The following TMEM132C variants were observed in gnomAD, a reference collection of about 807,000 sequenced individuals.
TMEM132C encodes the protein protein phosphatase 1, regulatory subunit 152.
In TMEM132C, 29 loss-of-function variants were observed where a neutral mutation model predicts 61.4. The observed-to-expected ratio is 0.47, with a 90% CI of 0.35 to 0.64. The LOEUF (loss-of-function observed/expected upper bound fraction) is 0.64. Ranked by LOEUF, TMEM132C falls within the 30% of genes least tolerant of loss-of-function variation. The pLI is 0.00. For missense variants in TMEM132C, 1,408 were observed against 1,476.9 expected (o/e 0.95, Z 0.76); for synonymous variants, 656 against 633.1 (o/e 1.04, Z -0.54).
intron 1 of TMEM132C, among the ~76,000 whole-genome samples, chr12:128,268,375 C>A (rs1475386661): frequency 1.3e-5 from 2 of 152,200 alleles, no homozygotes; most frequent in Non-Finnish European, 2.9e-5. Context: ...GCGGGAAGGG[C>A]GGGGAGAGGC....
rs55729184 is a variant in TMEM132C, at chr12:128,347,397, G to GTCTCTCTC, written c.86-67300_86-67293dup. On this transcript the variant is annotated intron_variant, in intron 1 of 8. Coordinates refer to ENST00000435159, the MANE Select transcript of TMEM132C (RefSeq NM_001136103.3). Reference sequence around the variant, plus strand: ...TGCTGCCATAAGCATGCATATGTATGTCTCTCTCTCTCTCTCTCTCTCTCT... The same window carrying GTCTCTCTC: ...TGCTGCCATAAGCATGCATATGTATGTCTCTCTCTCTCTCTCTCTCTCTCTCTCTCTCT... Among the ~76,000 whole-genome samples, 606 of 135,476 alleles carry GTCTCTCTC rather than the reference G, an allele frequency of 4.5e-3. 8 individuals are homozygous for GTCTCTCTC. The highest frequency in any genetic ancestry group is 0.014 in the African/African-American group (452 of 32,862). 88.9% of individuals were successfully genotyped at this position (135,476 alleles called of 152,430 possible).
intron 2 of TMEM132C, among the ~76,000 whole-genome samples, chr12:128,432,971 C>G (rs955343298): frequency 6.6e-6 from 1 of 150,882 alleles, no homozygotes; most frequent in Non-Finnish European, 1.5e-5. Context: ...CAGCAGCCAT[C>G]AATATTGAGG....
chr12:128,385,400 GCCGAGTCC>G lies in TMEM132C; in HGVS notation c.86-29331_86-29324del, dbSNP rs1565919973. Reference sequence around the variant, plus strand: ...CATTGCAAAGATTCGAGACATAAACGCCGAGTCCTCGCACAGAGCCTGATAGGATCATT... The same window carrying G: ...CATTGCAAAGATTCGAGACATAAACGTCGCACAGAGCCTGATAGGATCATT... On this transcript the variant is annotated intron_variant, in intron 1 of 8. Coordinates refer to ENST00000435159, the MANE Select transcript of TMEM132C (RefSeq NM_001136103.3). Among the ~76,000 whole-genome samples, 1,214 of 133,656 alleles carry G rather than the reference GCCGAGTCC, an allele frequency of 9.1e-3. 108 individuals carry two copies. Among genetic ancestry groups the G allele is most frequent in the South Asian group, 0.019 (78 of 4,006 alleles). The allele number at this position is 133,656 out of a possible 152,430, so 87.7% of individuals were successfully genotyped here.
At chr12:128,364,289 CTT>C (rs1873795136) in intron 1 of TMEM132C, among the ~76,000 whole-genome samples, 1 of 143,248 alleles carries the variant, frequency 7.0e-6, no homozygotes, top group Admixed American at 7.1e-5. Flanking sequence ...CTCCCCCTAT[CTT>C]TCTCTCTCTC....
At chr12:128,446,263 T>C (rs1291163548) in intron 2 of TMEM132C, among the ~76,000 whole-genome samples, 1 of 152,204 alleles carries the variant, frequency 6.6e-6, no homozygotes, top group Non-Finnish European at 1.5e-5. Flanking sequence ...GTCGTCATTA[T>C]ATGCTGAGCT....
rs140021805 is a variant in TMEM132C at position 128,500,129 on chromosome 12, T to A, written c.975-43828T>A. On this transcript the variant is annotated intron_variant, in intron 2 of 8. Coordinates refer to ENST00000435159, the MANE Select transcript of TMEM132C (RefSeq NM_001136103.3). ...GGTAAACAATAGACTTTTCAACAGG[T>A]GGTCCTGAGACAACTGGTTATCCTC... is the stretch of plus-strand genomic sequence containing the variant. 9.6e-4 allele frequency among the ~76,000 whole-genome samples: 146 copies of A among 152,320 alleles called. 1 individual carries two copies. Among genetic ancestry groups the A allele is most frequent in the African/African-American group, 3.4e-3 (141 of 41,582 alleles).
intron 2 of TMEM132C, among the ~76,000 whole-genome samples, chr12:128,485,699 C>T (rs1332528839): frequency 6.6e-6 from 1 of 152,090 alleles, no homozygotes; most frequent in Non-Finnish European, 1.5e-5. Flanking sequence ...GTCAGTAGTG[C>T]CGAGGCTGAG....
chr12:128,693,270 G>A (rs1003182435), intron 5 of TMEM132C, among the ~76,000 whole-genome samples: 2 of 152,192 alleles, frequency 1.3e-5, no homozygotes, highest in Admixed American at 6.5e-5. Context: ...GATGGGGTGG[G>A]TTGTGGGTGC....
intron 2 of TMEM132C, among the ~76,000 whole-genome samples, chr12:128,437,153 G>A (rs1332082259): frequency 3.9e-5 from 6 of 152,152 alleles, no homozygotes; most frequent in African/African-American, 1.4e-4. Context: ...TCATGTGGTG[G>A]GGGGCTGGGG....
Position 128,545,090 on chromosome 12 carries a change from G to A in TMEM132C, c.1121+987G>A, listed in dbSNP as rs77477211. Among the ~76,000 whole-genome samples, 294 of 152,312 alleles carry A rather than the reference G, an allele frequency of 1.9e-3. 1 individual carries two copies. Among genetic ancestry groups the A allele is most frequent in the African/African-American group, 6.9e-3 (285 of 41,568 alleles). On this transcript the variant is annotated intron_variant, in intron 3 of 8. Transcript: ENST00000435159. ...TCACCCAAGTGGTGAACAGAGCACC[G>A]AATAGGTCGTTTTTCAGCCCTTTAT...
At chr12:128,443,123 G>A (rs909626644) in intron 2 of TMEM132C, among the ~76,000 whole-genome samples, 3 of 151,378 alleles carry the variant, frequency 2.0e-5, no homozygotes, top group Non-Finnish European at 4.4e-5. Context: ...GTGTGTATAC[G>A]TATACATATA....
chr12:128,483,091 T>C (rs1871365956), intron 2 of TMEM132C, among the ~76,000 whole-genome samples: 1 of 150,800 alleles, frequency 6.6e-6, no homozygotes, highest in African/African-American at 2.4e-5. Context: ...ACCCCATCTC[T>C]GCTAAAAATA....
Position 128,579,713 on chromosome 12 carries a change from A to G in TMEM132C, c.1121+35610A>G, listed in dbSNP as rs145624485. Among the ~76,000 whole-genome samples the G allele has an allele frequency of 5.3e-5, 8 of 152,270 alleles. No individual in the cohort carries two copies. The East Asian group carries it at 1.5e-3, about 29-fold the overall frequency. ...TGCACGTGCTCTTTGCTGAGTGCCTACCTCTGTGCTGGGCAGGAGAGAGGG... is the reference window on the plus strand; with the variant it reads ...TGCACGTGCTCTTTGCTGAGTGCCTGCCTCTGTGCTGGGCAGGAGAGAGGG... On this transcript the variant is annotated intron_variant, in intron 3 of 8. Coordinates refer to ENST00000435159, the MANE Select transcript of TMEM132C (RefSeq NM_001136103.3).
chr12:128,333,160 TGTG>T (rs886253907), intron 1 of TMEM132C, among the ~76,000 whole-genome samples: 21 of 151,294 alleles, frequency 1.4e-4, no homozygotes, highest in African/African-American at 4.6e-4. Flanking sequence ...GTATGTGTGT[TGTG>T]TGTGTGTTGT....
intron 1 of TMEM132C, among the ~76,000 whole-genome samples, chr12:128,308,496 T>C (rs577092307): frequency 6.6e-6 from 1 of 152,260 alleles, no homozygotes; most frequent in East Asian, 1.9e-4. Context: ...GCAGAGAAAT[T>C]AGAACTGTGT....
chr12:128,341,202 A>G (rs940235295), intron 1 of TMEM132C, among the ~76,000 whole-genome samples: 3 of 152,082 alleles, frequency 2.0e-5, no homozygotes, highest in African/African-American at 4.8e-5. Flanking sequence ...CGGCCTCCCA[A>G]AAACTCTGTG....
At chr12:128,542,717 C>T (rs1447625481) in intron 2 of TMEM132C, among the ~76,000 whole-genome samples, 1 of 120,474 alleles carries the variant, frequency 8.3e-6, no homozygotes, top group East Asian at 2.1e-4. Context: ...AAAAAGTAGC[C>T]GGGCGTGGTG....
At chr12:128,544,125 A>G in intron 3 of TMEM132C, 22 bp downstream of exon 3, 1 of 1,498,136 alleles carries the variant, frequency 6.7e-7, no homozygotes, top group Non-Finnish European at 8.9e-7. Context: ...CCTCCCTGCA[A>G]GCGTGTGTGG....
rs1593151090 is a variant in TMEM132C, at chr12:128,693,726, A to C, written c.1450-103A>C. 3.8e-6 allele frequency: 5 copies of C among 1,324,110 alleles called. No individual in the cohort carries two copies. In the African/African-American group the frequency reaches 4.4e-5, roughly 12 times the overall value. The allele number at this position is 1,324,110 out of a possible 1,614,324, so 82.0% of individuals were successfully genotyped here. On this transcript the variant is annotated intron_variant, in intron 5 of 8. Coordinates refer to ENST00000435159, the MANE Select transcript of TMEM132C (RefSeq NM_001136103.3). ...AGGCTCTGCTTTAGGAGAAACCAGA[A>C]ATAAGCATTTGTGCTTTGCAAGATA...
Sources: allele counts gnomAD v4.1 joint callset (sites outside exome capture counted in the v4.1 genomes callset), GRCh38; gene constraint gnomAD v4.1.1; transcripts MANE v1.5; gene names NCBI Gene and HGNC (gene_info 2026-07-23, HGNC 2026-07-21).